Variants in RALYL observed in about 807,000 individuals in gnomAD.
RALYL encodes RALY RNA binding protein like, also known as RNA-binding Raly-like protein.
Under a neutral mutation model 35.1 loss-of-function variants are expected in RALYL, and 29 were observed. The observed-to-expected ratio is 0.83, with a 90% CI of 0.61 to 1.13. The LOEUF (loss-of-function observed/expected upper bound fraction) is 1.13, where lower values mean the gene tolerates loss of function less well. Ranked by LOEUF, RALYL falls within the 50% of genes most tolerant of loss-of-function variation. The probability of loss-of-function intolerance (pLI) is 0.00; values close to 1 mark genes in which losing one functional copy is unlikely to be tolerated. For synonymous variants in RALYL, 120 were observed against 127.6 expected, an observed-to-expected ratio of 0.94 and a Z score of 0.40; for missense variants, 359 against 360.4, an observed-to-expected ratio of 1.00 and a Z score of 0.03.
chr8:84,310,257 T>A (rs193241750), intron 1 of RALYL, among the ~76,000 whole-genome samples: 3,713 of 151,858 alleles, frequency 0.024, 90 homozygotes, highest in Non-Finnish European at 0.031. Context: ...TCCTGGCTGG[T>A]CTTGAACTCC....
chr8:84,815,482 A>G (rs940279256), intron 4 of RALYL, among the ~76,000 whole-genome samples: 1 of 148,684 alleles, frequency 6.7e-6, no homozygotes, highest in African/African-American at 2.4e-5. Flanking sequence ...TATTATAAAT[A>G]AAATATATTT....
At chr8:84,789,509 T>C (rs894648560) in intron 3 of RALYL, among the ~76,000 whole-genome samples, 13 of 152,216 alleles carry the variant, frequency 8.5e-5, no homozygotes, top group South Asian at 8.3e-4. Flanking sequence ...TTACTCCAAC[T>C]CAATATAGCA....
intron 6 of RALYL, among the ~76,000 whole-genome samples, chr8:84,868,202 A>G (rs1839530783): frequency 6.6e-6 from 1 of 152,094 alleles, no homozygotes; most frequent in Non-Finnish European, 1.5e-5. Context: ...ATCTTTTTAA[A>G]GAACACTTAA....
chr8:84,908,824 T>C (rs1473725290), intron 8 of RALYL, among the ~76,000 whole-genome samples: 4 of 151,486 alleles, frequency 2.6e-5, no homozygotes, highest in African/African-American at 9.7e-5. Flanking sequence ...CAAGTTGATG[T>C]CACTGAATGA....
chr8:84,760,165 A>T (rs1266847960), intron 2 of RALYL, among the ~76,000 whole-genome samples: 2 of 152,174 alleles, frequency 1.3e-5, no homozygotes, highest in Non-Finnish European at 2.9e-5. Flanking sequence ...AAAATTATAA[A>T]ATTGATTGTT....
intron 2 of RALYL, among the ~76,000 whole-genome samples, chr8:84,536,394 T>C (rs1000870895): frequency 7.9e-5 from 12 of 152,254 alleles, no homozygotes; most frequent in Non-Finnish European, 1.8e-4. Context: ...TGATGTTGTC[T>C]CTAACAAATA....
chr8:84,324,289 TTTCC>T (rs549388810), intron 1 of RALYL, among the ~76,000 whole-genome samples: 2 of 151,948 alleles, frequency 1.3e-5, no homozygotes, highest in East Asian at 1.9e-4. Context: ...ATTTCTTTTT[TTTCC>T]TTCCTTCCTT....
At chr8:84,574,666 G>A (rs975933203) in intron 2 of RALYL, among the ~76,000 whole-genome samples, 1 of 151,894 alleles carries the variant, frequency 6.6e-6, no homozygotes, top group African/African-American at 2.4e-5. Flanking sequence ...TCTCAGTCTT[G>A]TGCTGCCTAC....
intron 2 of RALYL, among the ~76,000 whole-genome samples, chr8:84,723,949 A>G (rs1275083816): frequency 6.6e-6 from 1 of 151,802 alleles, no homozygotes; most frequent in Non-Finnish European, 1.5e-5. Flanking sequence ...AATCATTAAG[A>G]GTAGTTCTGT....
At chr8:84,806,944 C>T (rs1247200800) in intron 4 of RALYL, among the ~76,000 whole-genome samples, 2 of 151,866 alleles carry the variant, frequency 1.3e-5, no homozygotes, top group African/African-American at 2.4e-5. Flanking sequence ...CCAGCAGGTC[C>T]GGGCTACAAT....
At chr8:84,771,897 C>T (rs145021825) in intron 2 of RALYL, among the ~76,000 whole-genome samples, 2,014 of 152,020 alleles carry the variant, frequency 0.013, 38 homozygotes, top group African/African-American at 0.045. Context: ...TTAAGGTTAG[C>T]GATTTTTTAT....
chr8:84,433,758 G>A (rs1039087725), intron 1 of RALYL, among the ~76,000 whole-genome samples: 5 of 151,786 alleles, frequency 3.3e-5, no homozygotes, highest in African/African-American at 1.2e-4. Flanking sequence ...CCAGTTTGGG[G>A]TATGTCTTTA....
At chr8:84,314,243 C>A (rs1320409163) in intron 1 of RALYL, among the ~76,000 whole-genome samples, 1 of 152,038 alleles carries the variant, frequency 6.6e-6, no homozygotes, top group East Asian at 1.9e-4. Flanking sequence ...CCAGATCCCT[C>A]CCTTGACACG....
chr8:84,503,587 A>G (rs2056896520), intron 1 of RALYL, among the ~76,000 whole-genome samples: 1 of 152,150 alleles, frequency 6.6e-6, no homozygotes, highest in African/African-American at 2.4e-5. Context: ...ATGGTGGCTC[A>G]CACCTGTAAT....
chr8:84,275,516 T>G (rs920328057), intron 1 of RALYL, among the ~76,000 whole-genome samples: 17 of 151,904 alleles, frequency 1.1e-4, no homozygotes, highest in Admixed American at 4.6e-4. Context: ...TAAATCTAGC[T>G]AATGCACATA....
intron 1 of RALYL, among the ~76,000 whole-genome samples, chr8:84,495,316 G>A (rs968532455): frequency 6.6e-6 from 1 of 152,048 alleles, no homozygotes; most frequent in Non-Finnish European, 1.5e-5. Flanking sequence ...GTAATACACA[G>A]GTTCTACCTC....
intron 1 of RALYL, among the ~76,000 whole-genome samples, chr8:84,228,539 C>T (rs1046770465): frequency 1.9e-4 from 29 of 152,086 alleles, no homozygotes; most frequent in Non-Finnish European, 3.8e-4. Flanking sequence ...CCAAAATTGG[C>T]AGATAGAGGA....
At position 84,856,166 on chromosome 8, in the gene RALYL, A is replaced by G. The variant is rs370797334; in HGVS notation, c.414-6130A>G. Among the ~76,000 whole-genome samples, 80 of 152,352 alleles carry G rather than the reference A, an allele frequency of 5.3e-4. 1 individual carries two copies. In the Middle Eastern group the frequency reaches 0.01, roughly 19 times the overall value. On this transcript the variant is annotated intron_variant, in intron 5 of 8. Coordinates refer to ENST00000521268, the MANE Select transcript of RALYL (RefSeq NM_173848.7). ...TTGACAAATGGTATTATTTGGAGTCAGAAGACATGAATTTCAGGACTAGAT... is the reference window on the plus strand; with the variant it reads ...TTGACAAATGGTATTATTTGGAGTCGGAAGACATGAATTTCAGGACTAGAT...
At chr8:84,889,442 T>C (rs531874415) in intron 8 of RALYL, among the ~76,000 whole-genome samples, 1 of 152,326 alleles carries the variant, frequency 6.6e-6, no homozygotes, top group South Asian at 2.1e-4. Context: ...GAAATTCTCC[T>C]AATTTACCAC....
Sources: gnomAD v4.1 joint callset for allele counts (sites outside exome capture counted in the v4.1 genomes callset) on GRCh38, gnomAD v4.1.1 for gene constraint, MANE v1.5 for transcripts, NCBI Gene and HGNC (gene_info 2026-07-23, HGNC 2026-07-21) for gene names.